The following ANKRD30A variants were observed in gnomAD, a reference collection of about 807,000 sequenced individuals.
ANKRD30A encodes ankyrin repeat domain 30A, also known as ankyrin repeat domain-containing protein 30A.
In ANKRD30A, 170 loss-of-function variants were observed where a neutral mutation model predicts 166.3. That is an observed-to-expected ratio of 1.02 (90% CI 0.90 to 1.16). ANKRD30A has a LOEUF of 1.16. Among genes scored for constraint, ANKRD30A ranks in the 50% most tolerant of loss-of-function variants. The probability of loss-of-function intolerance (pLI) is 0.00; values close to 1 mark genes in which losing one functional copy is unlikely to be tolerated. For missense variants in ANKRD30A, 1,630 were observed against 1,518.0 expected (o/e 1.07, Z -1.23); for synonymous variants, 564 against 508.9 (o/e 1.11, Z -1.46).
downstream of ANKRD30A, among the ~76,000 whole-genome samples, chr10:37,234,010 G>A (rs1353030193): frequency 6.6e-6 from 1 of 152,066 alleles, no homozygotes; most frequent in East Asian, 1.9e-4. Context: ...TTAATTTGAA[G>A]GACTATCTTA....
At chr10:37,203,609 C>T (rs1182348196) in intron 31 of ANKRD30A, among the ~76,000 whole-genome samples, 1 of 152,122 alleles carries the variant, frequency 6.6e-6, no homozygotes, top group African/African-American at 2.4e-5. Context: ...CACTGCTATT[C>T]AACATAGTGT....
chr10:37,260,664 A>G, the ANKRD30A span, among the ~76,000 whole-genome samples: 1 of 152,302 alleles, frequency 6.6e-6, no homozygotes, highest in East Asian at 1.9e-4. Flanking sequence ...ATAAAAGTCG[A>G]TTCTTCAACA....
intron 34 of ANKRD30A, among the ~76,000 whole-genome samples, chr10:37,225,483 A>G (rs983809251): frequency 6.6e-6 from 1 of 151,846 alleles, no homozygotes; most frequent in Non-Finnish European, 1.5e-5. Flanking sequence ...TTTTAAAACC[A>G]GTCTACTTGA....
the ANKRD30A span, among the ~76,000 whole-genome samples, chr10:37,238,535 A>G: frequency 6.6e-6 from 1 of 152,194 alleles, no homozygotes; most frequent in Admixed American, 6.5e-5. Flanking sequence ...AAAAGAAAGT[A>G]TTCTCTACAG....
intron 25 of ANKRD30A, among the ~76,000 whole-genome samples, chr10:37,190,215 C>T (rs1269907388): frequency 6.6e-6 from 1 of 151,832 alleles, no homozygotes; most frequent in Non-Finnish European, 1.5e-5. Flanking sequence ...ACCTTGTTAA[C>T]AATTCACACT....
At position 37,147,382 on chromosome 10, in the gene ANKRD30A, A is replaced by G. The variant is rs1243959635; in HGVS notation, c.1468A>G (p.Ser490Gly). ...YSCDSRSLFE[S>G]SAKIQVCIPE... ...CTACTTTTAACAGAGTCTCTTTGAG[A>G]GTTCTGCAAAGATTCAAGTGTGTAT... is the stretch of plus-strand genomic sequence containing the variant. The change falls in exon 9 of 36, where the codon AGT becomes GGT. Residue 490 changes from serine to glycine, a missense_variant. By Grantham distance (56) the Ser-to-Gly change is moderately conservative (BLOSUM62 0). Around this residue, in one of 4 missense-constraint regions of ANKRD30A, gnomAD observed 904 missense variants for 818.5 expected, o/e 1.10. Transcript: ENST00000361713. 6.3e-7 allele frequency: 1 copy of G among 1,589,288 alleles called. No individual in the cohort carries two copies.
At chr10:37,229,078 C>T (rs753561663) in intron 34 of ANKRD30A, among the ~76,000 whole-genome samples, 42 of 151,936 alleles carry the variant, frequency 2.8e-4, no homozygotes, top group Non-Finnish European at 5.4e-4. Flanking sequence ...CTGGCCATTG[C>T]CTAGAATGTT....
intron 29 of ANKRD30A, among the ~76,000 whole-genome samples, chr10:37,198,007 AACT>A (rs1323906096): frequency 2.0e-5 from 3 of 151,864 alleles, no homozygotes; most frequent in Non-Finnish European, 4.4e-5. Flanking sequence ...TGTGTGTGGT[AACT>A]TTACCTTGTG....
At position 37,162,490 on chromosome 10, in the gene ANKRD30A, G is replaced by A. The variant is rs547981648; in HGVS notation, c.1901-159G>A. 1.1e-4 allele frequency among the ~76,000 whole-genome samples: 17 copies of A among 152,194 alleles called. No homozygotes were observed. In the South Asian group the frequency reaches 3.5e-3, roughly 32 times the overall value. Reference sequence around the variant, plus strand: ...ATTTTCTTCAGTGTATTCTTGTCGTGTGTGTGTCCTAAACAAACCAAAAGA... The same window carrying A: ...ATTTTCTTCAGTGTATTCTTGTCGTATGTGTGTCCTAAACAAACCAAAAGA... On this transcript the variant is annotated intron_variant, in intron 15 of 35. Transcript: ENST00000361713.
At chr10:37,263,835 G>A in the ANKRD30A span, among the ~76,000 whole-genome samples, 1 of 152,180 alleles carries the variant, frequency 6.6e-6, no homozygotes, top group Non-Finnish European at 1.5e-5. Flanking sequence ...ATTAATCCAG[G>A]TTAAATGTGA....
chr10:37,211,352 CA>C (rs1453754114), intron 31 of ANKRD30A, among the ~76,000 whole-genome samples: 1 of 151,980 alleles, frequency 6.6e-6, no homozygotes, highest in Non-Finnish European at 1.5e-5. Flanking sequence ...TCTCATTGTT[CA>C]ATTCCCACCT....
intron 27 of ANKRD30A, among the ~76,000 whole-genome samples, chr10:37,196,091 C>CCATTTTTTTTTTTTTT (rs1554823841): frequency 8.6e-6 from 1 of 115,624 alleles, no homozygotes; most frequent in Non-Finnish European, 1.9e-5. Context: ...TTTATATTTT[C>CCATTTTTTTTTTTTTT]TATTTTTTTT....
At chr10:37,246,850 C>A in the ANKRD30A span, among the ~76,000 whole-genome samples, 1 of 152,026 alleles carries the variant, frequency 6.6e-6, no homozygotes, top group Non-Finnish European at 1.5e-5. Context: ...CACTAGAGGC[C>A]AATAGCACCT....
intron 31 of ANKRD30A, among the ~76,000 whole-genome samples, chr10:37,207,683 A>G (rs868609112): frequency 8.6e-5 from 13 of 151,918 alleles, no homozygotes; most frequent in African/African-American, 3.1e-4. Context: ...CATTCTTAAT[A>G]TATTGGTGCA....
chr10:37,200,760 C>G (rs947356723), intron 30 of ANKRD30A, among the ~76,000 whole-genome samples: 2 of 152,032 alleles, frequency 1.3e-5, no homozygotes, highest in African/African-American at 4.8e-5. Flanking sequence ...TACATACATT[C>G]TATGACAGAC....
At chr10:37,203,710 A>G (rs943658452) in intron 31 of ANKRD30A, among the ~76,000 whole-genome samples, 3 of 152,218 alleles carry the variant, frequency 2.0e-5, no homozygotes, top group African/African-American at 7.2e-5. Flanking sequence ...CTGTTTGCAG[A>G]TGACATGATT....
chr10:37,240,633 A>AT, the ANKRD30A span, among the ~76,000 whole-genome samples: 2 of 152,154 alleles, frequency 1.3e-5, no homozygotes, highest in African/African-American at 4.8e-5. Flanking sequence ...AGAATTTCAC[A>AT]GTGATCTTCC....
At chr10:37,229,674 C>T (rs1167360504) in intron 34 of ANKRD30A, among the ~76,000 whole-genome samples, 1 of 151,860 alleles carries the variant, frequency 6.6e-6, no homozygotes, top group Non-Finnish European at 1.5e-5. Flanking sequence ...TTCTTTTTCA[C>T]GTATTTAAAA....
At chr10:37,251,871 C>T in the ANKRD30A span, among the ~76,000 whole-genome samples, 3 of 152,194 alleles carry the variant, frequency 2.0e-5, no homozygotes, top group Non-Finnish European at 4.4e-5. Flanking sequence ...AATTTTTCCA[C>T]TCAAGCAATT....
Sources: allele counts gnomAD v4.1 joint callset (sites outside exome capture counted in the v4.1 genomes callset), GRCh38; gene constraint gnomAD v4.1.1; regional missense constraint gnomAD v4.1.1; transcripts MANE v1.5; gene names NCBI Gene and HGNC (gene_info 2026-07-23, HGNC 2026-07-21).